Variants in LPXN observed in about 807,000 individuals in gnomAD.
The protein encoded by LPXN is leupaxin.
A neutral mutation model predicts 45.6 loss-of-function variants in LPXN; 28 were observed. That is an observed-to-expected ratio of 0.61 (90% CI 0.45 to 0.84). The LOEUF (loss-of-function observed/expected upper bound fraction) is 0.84. Ranked by LOEUF, LPXN falls within the 40% of genes least tolerant of loss-of-function variation. LPXN has a pLI of 0.00. For missense variants in LPXN, 459 were observed against 475.0 expected (o/e 0.97, Z 0.31); for synonymous variants, 166 against 169.9 (o/e 0.98, Z 0.18).
chr11:58,550,249 G>T, intron 5 of LPXN, 103 bp from the exon 6 acceptor site: 1 of 1,063,042 alleles, frequency 9.4e-7, no homozygotes, highest in Non-Finnish European at 1.4e-6. Context: ...ACCCCTTGTA[G>T]ACAACACGCC....
At chr11:58,565,814 G>A (rs966367222) in intron 2 of LPXN, among the ~76,000 whole-genome samples, 1 of 151,982 alleles carries the variant, frequency 6.6e-6, no homozygotes, top group African/African-American at 2.4e-5. Flanking sequence ...GACCAGACAT[G>A]GTGAAACCCT....
intron 7 of LPXN, among the ~76,000 whole-genome samples, chr11:58,528,430 C>A (rs554198765): frequency 6.6e-6 from 1 of 152,306 alleles, no homozygotes; most frequent in East Asian, 1.9e-4. Context: ...CTCCTCAGTG[C>A]CTTTGTACTA....
At position 58,551,105 on chromosome 11, in the gene LPXN, T is replaced by A. The variant is rs762673503; in HGVS notation, c.446A>T (p.Lys149Met). The A allele has an allele frequency of 3.7e-6, 6 of 1,604,234 alleles. No individual in the cohort carries two copies. Among genetic ancestry groups the A allele is most frequent in the Non-Finnish European group, 5.1e-6 (6 of 1,175,494 alleles). Residue 149 changes from lysine (K) to methionine (M), a missense_variant, in exon 5 of 9, where the codon AAG becomes ATG. Lys to Met is a moderately conservative substitution (Grantham distance 95). Transcript: ENST00000395074. ...LQDLGIATVP[K>M]GHCASCQKPI... ...TTTCTGGCAGGATGCACAATGGCCC[T>A]TGGGCACTGTGGCAATGCCAAGGTC...
intron 7 of LPXN, among the ~76,000 whole-genome samples, chr11:58,531,850 G>A (rs918773700): frequency 6.6e-5 from 10 of 152,362 alleles, no homozygotes; most frequent in Admixed American, 5.2e-4. Context: ...CTCTGGCCAC[G>A]CTTGAGGAGC....
At chr11:58,558,705 T>C (rs1270251420) in intron 3 of LPXN, among the ~76,000 whole-genome samples, 1 of 151,884 alleles carries the variant, frequency 6.6e-6, no homozygotes, top group Non-Finnish European at 1.5e-5. Context: ...AACAGACTAT[T>C]CGACTCAAAG....
chr11:58,564,253 G>C, intron 2 of LPXN, 52 bp from the exon 3 acceptor site: 1 of 1,208,360 alleles, frequency 8.3e-7, no homozygotes, highest in Non-Finnish European at 1.2e-6. Flanking sequence ...TTTGTTATCA[G>C]AATGTTGAGG....
At chr11:58,568,110 G>A (rs1854577184) in intron 2 of LPXN, among the ~76,000 whole-genome samples, 1 of 152,132 alleles carries the variant, frequency 6.6e-6, no homozygotes, top group Admixed American at 6.6e-5. Flanking sequence ...TCACAAAGTG[G>A]CCAGCAGGGG....
At chr11:58,572,755 T>C (rs927485077) in intron 1 of LPXN, among the ~76,000 whole-genome samples, 4 of 152,164 alleles carry the variant, frequency 2.6e-5, no homozygotes, top group East Asian at 1.9e-4. Flanking sequence ...AGTGTTAAAA[T>C]AGTTACAGAT....
rs1378153925 is a variant in LPXN, at chr11:58,526,976, G to A, written c.*478C>T. ...AAACAAAAATACACTGAAGGAAGATGCAAAGAGCTAAAAGTGGTATCATGA... is the reference window on the plus strand; with the variant it reads ...AAACAAAAATACACTGAAGGAAGATACAAAGAGCTAAAAGTGGTATCATGA... On this transcript the variant is annotated 3_prime_UTR_variant, in exon 9 of 9. Coordinates refer to ENST00000395074, the MANE Select transcript of LPXN (RefSeq NM_004811.3). 1 of 155,050 alleles carries A rather than the reference G, an allele frequency of 6.4e-6. No individual in the cohort carries two copies. The highest frequency in any genetic ancestry group is 1.4e-5 in the Non-Finnish European group (1 of 69,514). 9.6% of individuals were successfully genotyped at this position (155,050 alleles called of 1,614,324 possible). A position where few individuals can be genotyped will look rare whatever the true frequency, so the allele number is the denominator to read the frequency against.
chr11:58,575,924 C>T, upstream of LPXN: 3 of 1,450,630 alleles, frequency 2.1e-6, no homozygotes, highest in Non-Finnish European at 9.1e-7. Flanking sequence ...CACTTCCTCT[C>T]TTTTGATTTG....
chr11:58,531,149 C>T (rs142535783), intron 7 of LPXN, among the ~76,000 whole-genome samples: 144 of 152,154 alleles, frequency 9.5e-4, no homozygotes, highest in African/African-American at 3.2e-3. Context: ...GCCTCTTCTC[C>T]AAAGGATCAC....
At chr11:58,550,308 A>G (rs1854011399) in intron 5 of LPXN, among the ~76,000 whole-genome samples, 162 bp from the exon 6 acceptor site, 1 of 152,238 alleles carries the variant, frequency 6.6e-6, no homozygotes, top group Admixed American at 6.5e-5. Flanking sequence ...ACCTAAGGCC[A>G]TCTGTGGTCT....
intron 7 of LPXN, among the ~76,000 whole-genome samples, chr11:58,533,289 C>G (rs1383511270): frequency 6.6e-6 from 1 of 152,188 alleles, no homozygotes; most frequent in Non-Finnish European, 1.5e-5. Flanking sequence ...GGTTGGGTAA[C>G]CCACAAAGGG....
intron 3 of LPXN, among the ~76,000 whole-genome samples, chr11:58,557,090 T>G (rs149555065): frequency 4.3e-4 from 66 of 152,308 alleles, no homozygotes; most frequent in African/African-American, 1.4e-3. Context: ...TATACACTGT[T>G]GGTGGGAATG....
chr11:58,533,280 G>GT (rs1452091830), intron 7 of LPXN, among the ~76,000 whole-genome samples: 1 of 152,158 alleles, frequency 6.6e-6, no homozygotes, highest in Non-Finnish European at 1.5e-5. Context: ...AAAGAGAAAG[G>GT]TTGGGTAACC....
At chr11:58,575,934 GGTGA>G, upstream of LPXN, 1 of 1,440,640 alleles carries the variant, frequency 6.9e-7, no homozygotes, top group Non-Finnish European at 9.1e-7. Flanking sequence ...CTTTTGATTT[GGTGA>G]GCTTTTTTTT....
intron 7 of LPXN, among the ~76,000 whole-genome samples, chr11:58,538,005 G>A (rs1853605016): frequency 7.0e-6 from 1 of 143,250 alleles, no homozygotes; most frequent in Non-Finnish European, 1.5e-5. Flanking sequence ...TCCCACCTAT[G>A]AGTGAGAACA....
chr11:58,550,051 A>G lies in LPXN; in HGVS notation c.582T>C (p.Ser194=). ...EIGSSPFFER[S]GLAYCPNDYH... ...AGTCGTTGGGGCAGTAGGCCAAGCC[A>G]CTCCGCTCAAAGAAGGGACTGGAGC... The change falls in exon 6 of 9, where the codon AGT becomes AGC. Residue 194 remains serine (S), a synonymous_variant. Transcript: ENST00000395074. 1 of 1,614,130 alleles carries G rather than the reference A, an allele frequency of 6.2e-7. No homozygotes were observed. Among genetic ancestry groups the G allele is most frequent in the African/African-American group, 1.3e-5 (1 of 75,032 alleles).
At chr11:58,578,009 A>G, upstream of LPXN, 1 of 1,550,766 alleles carries the variant, frequency 6.4e-7, no homozygotes, top group Middle Eastern at 1.7e-4. Context: ...CAGGTGAGTG[A>G]CTCACACACC....
Sources: allele counts gnomAD v4.1 joint callset (sites outside exome capture counted in the v4.1 genomes callset), GRCh38; gene constraint gnomAD v4.1.1; transcripts MANE v1.5; gene names NCBI Gene and HGNC (gene_info 2026-07-23, HGNC 2026-07-21).